The following GCSH variants were observed in gnomAD, a reference collection of about 807,000 sequenced individuals.
GCSH encodes glycine cleavage system protein H, also known as glycine cleavage system H protein, mitochondrial.
A neutral mutation model predicts 21.3 loss-of-function variants in GCSH; 15 were observed. The ratio of observed to expected loss-of-function variants is 0.70; its 90% CI spans 0.47 to 1.08. The LOEUF (loss-of-function observed/expected upper bound fraction) is 1.08, where lower values mean the gene tolerates loss of function less well. Ranked by LOEUF, GCSH falls within the 50% of genes least tolerant of loss-of-function variation. GCSH has a pLI of 0.00. For missense variants in GCSH, 179 were observed against 217.5 expected, an observed-to-expected ratio of 0.82 and a Z score of 1.11; for synonymous variants, 59 against 84.5, an observed-to-expected ratio of 0.70 and a Z score of 1.66.
rs550080473 is a variant in GCSH, at chr16:81,082,933, G to C, written c.455C>G (p.Pro152Arg). Residue 152 changes from proline (P) to arginine (R), a missense_variant, in exon 5 of 5, where the codon CCT becomes CGT. Pro to Arg is a moderately radical substitution (Grantham distance 103). Coordinates refer to ENST00000315467, the MANE Select transcript of GCSH (RefSeq NM_004483.5). The part of the protein sequence containing the change: ...GWLIKMTLSN[P>R]SELDELMSEE... Reference sequence around the variant, plus strand: ...ACTCATAAGTTCATCTAGTTCTGAAGGGTTACTCAGTGTCATCTTGATCAG... The same window carrying C: ...ACTCATAAGTTCATCTAGTTCTGAACGGTTACTCAGTGTCATCTTGATCAG... 6.4e-7 allele frequency: 1 copy of C among 1,568,964 alleles called. No homozygotes were observed. The highest frequency in any genetic ancestry group is 1.1e-5 in the South Asian group (1 of 90,160).
intron 1 of GCSH, chr16:81,091,146 T>C (rs764990088): frequency 2.7e-5 from 12 of 448,038 alleles, no homozygotes; most frequent in Admixed American, 9.7e-5. Flanking sequence ...GGTGCCTCTT[T>C]AGGCAGAGTT....
intron 1 of GCSH, among the ~76,000 whole-genome samples, chr16:81,095,034 A>C (rs887505928): frequency 1.3e-5 from 2 of 151,690 alleles, no homozygotes; most frequent in East Asian, 3.9e-4. Context: ...TGGCGCTTGC[A>C]GTGAGCCGAG....
At chr16:81,085,874 C>CACAATTATGAACTCT (rs767391731) in intron 3 of GCSH, among the ~76,000 whole-genome samples, 2 of 28,716 alleles carry the variant, frequency 7.0e-5, no homozygotes, top group African/African-American at 2.2e-4. Flanking sequence ...ACAAAAAAAA[C>CACAATTATGAACTCT]GGCCGGGCGC....
intron 1 of GCSH, chr16:81,091,347 CAGAGCTA>C: frequency 3.2e-6 from 1 of 313,414 alleles, no homozygotes; most frequent in Non-Finnish European, 6.1e-6. Flanking sequence ...ACAGTCTTCT[CAGAGCTA>C]AGCCATGGGT....
At chr16:81,088,200 G>C (rs1972323205) in intron 2 of GCSH, among the ~76,000 whole-genome samples, 1 of 152,112 alleles carries the variant, frequency 6.6e-6, no homozygotes, top group Non-Finnish European at 1.5e-5. Context: ...GAGGTGGGAG[G>C]ATAGCTTGAG....
chr16:81,088,737 T>C (rs1334309839), intron 2 of GCSH, among the ~76,000 whole-genome samples: 1 of 152,130 alleles, frequency 6.6e-6, no homozygotes, highest in Non-Finnish European at 1.5e-5. Flanking sequence ...ACATATTTGG[T>C]GTTCTTCCAC....
At chr16:81,086,739 GA>G (rs1415883973) in intron 3 of GCSH, among the ~76,000 whole-genome samples, 6 of 123,526 alleles carry the variant, frequency 4.9e-5, no homozygotes, top group South Asian at 2.7e-4. Context: ...AAATTTAATC[GA>G]AAAAAAATTC....
chr16:81,082,745 GT>G lies in GCSH; in HGVS notation c.*120del, dbSNP rs749570543. ...TCTTTCATTAGCAGTGTTAACAGTAGTTTTTTTTTCCCCATCGGTAATACTA... is the reference window on the plus strand; with the variant it reads ...TCTTTCATTAGCAGTGTTAACAGTAGTTTTTTTTCCCCATCGGTAATACTA... On this transcript the variant is annotated 3_prime_UTR_variant, in exon 5 of 5. Coordinates refer to ENST00000315467, the MANE Select transcript of GCSH (RefSeq NM_004483.5). The G allele has an allele frequency of 7.9e-5, 49 of 619,066 alleles. 1 individual carries two copies. Among genetic ancestry groups the G allele is most frequent in the South Asian group, 2.8e-4 (16 of 56,274 alleles). 38.3% of individuals were successfully genotyped at this position (619,066 alleles called of 1,614,324 possible).
At chr16:81,090,751 G>T in intron 1 of GCSH, 71 bp from the exon 2 acceptor site, 1 of 1,049,744 alleles carries the variant, frequency 9.5e-7, no homozygotes, top group Non-Finnish European at 1.5e-6. Context: ...CATTACCATT[G>T]CTTTCAAAAG....
intron 4 of GCSH, 74 bp from the exon 5 acceptor site, chr16:81,083,037 A>T (rs533993919): frequency 1.4e-5 from 13 of 905,786 alleles, no homozygotes; most frequent in African/African-American, 4.9e-5. Context: ...CGTAAAATAA[A>T]TTTCTGAGCG....
intron 2 of GCSH, among the ~76,000 whole-genome samples, chr16:81,088,493 G>C (rs1019596473): frequency 6.6e-6 from 1 of 152,104 alleles, no homozygotes; most frequent in Non-Finnish European, 1.5e-5. Flanking sequence ...CTGCCTCCCA[G>C]GTTCAAGCGA....
chr16:81,089,337 C>T (rs1367294481), intron 2 of GCSH, among the ~76,000 whole-genome samples: 1 of 152,190 alleles, frequency 6.6e-6, no homozygotes, highest in East Asian at 1.9e-4. Context: ...CTTTAAGAGT[C>T]ACGTTGGTGC....
intron 1 of GCSH, among the ~76,000 whole-genome samples, chr16:81,094,638 C>G (rs572776450): frequency 6.6e-6 from 1 of 152,268 alleles, no homozygotes; most frequent in South Asian, 2.1e-4. Context: ...AGACTATTAG[C>G]AAGACAGCAT....
chr16:81,082,751 T>A lies in GCSH; in HGVS notation c.*115A>T. ...ATTAGCAGTGTTAACAGTAGTTTTT[T>A]TTTCCCCATCGGTAATACTAAAAGT... On this transcript the variant is annotated 3_prime_UTR_variant, in exon 5 of 5. Transcript: ENST00000315467. The A allele has an allele frequency of 1.6e-6, 1 of 641,908 alleles. No individual in the cohort carries two copies. The highest frequency in any genetic ancestry group is 2.8e-6 in the Non-Finnish European group (1 of 356,134). 39.8% of individuals were successfully genotyped at this position (641,908 alleles called of 1,614,324 possible). A position where few individuals can be genotyped will look rare whatever the true frequency, so the allele number is the denominator to read the frequency against.
chr16:81,086,546 G>C (rs1972284962), intron 3 of GCSH, among the ~76,000 whole-genome samples: 1 of 151,644 alleles, frequency 6.6e-6, no homozygotes, highest in African/African-American at 2.4e-5. Flanking sequence ...AACAGAGCAA[G>C]ACTCCGTCTC....
In GCSH at chr16:81,090,616, G is replaced by C; in HGVS notation, c.213C>G (p.Ile71Met). The C allele has an allele frequency of 3.7e-6, 6 of 1,606,760 alleles. No individual in the cohort carries two copies. Among genetic ancestry groups the C allele is most frequent in the Non-Finnish European group, 5.1e-6 (6 of 1,173,566 alleles). The stretch of plus-strand genomic sequence containing the variant: ...AATCCAATACCTGTGCAAAATTGCT[G>C]ATTCCCACTGTTCCAATGCCATTTT... ...TTENGIGTVG[I>M]SNFAQEALGD... The change falls in exon 2 of 5, where the codon ATC becomes ATG. Residue 71 changes from isoleucine to methionine, a missense_variant. Physicochemically the swap from Ile to Met is conservative, Grantham distance 10. Coordinates refer to ENST00000315467, the MANE Select transcript of GCSH (RefSeq NM_004483.5).
Position 81,088,341 on chromosome 16 carries a change from C to G in GCSH, c.229-677G>C, listed in dbSNP as rs8177898. Among the ~76,000 whole-genome samples, 25 of 152,310 alleles carry G rather than the reference C, an allele frequency of 1.6e-4. No individual in the cohort carries two copies. The East Asian group carries it at 4.8e-3, about 29-fold the overall frequency. ...GAGACCAGCCGCCAGCCAGATCTGGCTCACAGGCTTTAGCAACCTAACACA... is the reference window on the plus strand; with the variant it reads ...GAGACCAGCCGCCAGCCAGATCTGGGTCACAGGCTTTAGCAACCTAACACA... On this transcript the variant is annotated intron_variant, in intron 2 of 4. Transcript: ENST00000315467.
At chr16:81,086,256 G>T (rs865847225) in intron 3 of GCSH, among the ~76,000 whole-genome samples, 1 of 149,394 alleles carries the variant, frequency 6.7e-6, no homozygotes, top group African/African-American at 2.5e-5. Context: ...CTACTGGCCA[G>T]GAACGGCGGC....
In GCSH at chr16:81,096,376, G is replaced by A; in HGVS notation, c.-98C>T. Reference sequence around the variant, plus strand: ...GTTCGCGGCCGGAGGGAGCCGGCTGGATGGAGGCGCGGAGGCGGTGCCGCG... The same window carrying A: ...GTTCGCGGCCGGAGGGAGCCGGCTGAATGGAGGCGCGGAGGCGGTGCCGCG... On this transcript the variant is annotated 5_prime_UTR_variant, in exon 1 of 5. Coordinates refer to ENST00000315467, the MANE Select transcript of GCSH (RefSeq NM_004483.5). 3 of 1,072,344 alleles carry A rather than the reference G, an allele frequency of 2.8e-6. No individual in the cohort carries two copies. Among genetic ancestry groups the A allele is most frequent in the South Asian group, 4.4e-5 (2 of 45,436 alleles). The allele number at this position is 1,072,344 out of a possible 1,614,324, so 66.4% of individuals were successfully genotyped here.
Sources: gnomAD v4.1 joint callset for allele counts (sites outside exome capture counted in the v4.1 genomes callset) on GRCh38, gnomAD v4.1.1 for gene constraint, MANE v1.5 for transcripts, NCBI Gene and HGNC (gene_info 2026-07-23, HGNC 2026-07-21) for gene names.